The following NXPE2 variants were observed in gnomAD, a reference collection of about 807,000 sequenced individuals.
The protein encoded by NXPE2 is NXPE family member 2.
Under a neutral mutation model 34.4 loss-of-function variants are expected in NXPE2, and 34 were observed. The ratio of observed to expected loss-of-function variants is 0.99; its 90% confidence interval spans 0.75 to 1.31. The LOEUF is 1.31. NXPE2 is among the 40% of genes most tolerant of loss of function. The pLI is 0.00. For missense variants in NXPE2, 649 were observed against 672.5 expected, an observed-to-expected ratio of 0.97 and a Z score of 0.39; for synonymous variants, 235 against 231.3, an observed-to-expected ratio of 1.02 and a Z score of -0.15.
chr11:114,620,053 AC>A, the NXPE2 span, among the ~76,000 whole-genome samples: 2 of 152,056 alleles, frequency 1.3e-5, no homozygotes, highest in South Asian at 4.1e-4. Context: ...CTCGTGGGTA[AC>A]CACTGTTACC....
the NXPE2 span, among the ~76,000 whole-genome samples, chr11:114,506,128 AAAG>A: frequency 8.7e-5 from 13 of 150,186 alleles, no homozygotes; most frequent in South Asian, 4.2e-4. Context: ...AAAAAAAAAA[AAAG>A]AAGTTAAAAA....
chr11:114,700,499 G>A (rs1231665808), intron 3 of NXPE2, among the ~76,000 whole-genome samples: 1 of 152,038 alleles, frequency 6.6e-6, no homozygotes, highest in African/African-American at 2.4e-5. Context: ...TGGTGGAGGT[G>A]GAGTGCAGAA....
chr11:114,582,873 T>C, the NXPE2 span: 1 of 1,614,212 alleles, frequency 6.2e-7, no homozygotes, highest in Non-Finnish European at 8.5e-7. Context: ...GGGTGGGATC[T>C]GCTGATCTAG....
At chr11:114,472,144 G>A in the NXPE2 span, among the ~76,000 whole-genome samples, 2 of 152,200 alleles carry the variant, frequency 1.3e-5, no homozygotes. Flanking sequence ...TGTGCAAATT[G>A]CAAGGAGGCA....
At chr11:114,525,173 C>T in the NXPE2 span, among the ~76,000 whole-genome samples, 2 of 151,672 alleles carry the variant, frequency 1.3e-5, no homozygotes, top group African/African-American at 4.8e-5. Context: ...CTTGTAAGTC[C>T]CTACTAAATG....
the NXPE2 span, among the ~76,000 whole-genome samples, chr11:114,468,163 C>T: frequency 9.3e-5 from 14 of 150,786 alleles, no homozygotes; most frequent in African/African-American, 3.4e-4. Context: ...CAAAAAGTCT[C>T]ATTATATTTT....
chr11:114,507,742 A>G, the NXPE2 span, among the ~76,000 whole-genome samples: 2 of 152,090 alleles, frequency 1.3e-5, no homozygotes, highest in African/African-American at 4.8e-5. Flanking sequence ...GAAGGAACAT[A>G]CCTCAAAATA....
chr11:114,546,534 T>G, the NXPE2 span, among the ~76,000 whole-genome samples: 1 of 151,400 alleles, frequency 6.6e-6, no homozygotes, highest in Non-Finnish European at 1.5e-5. Context: ...ATTCCTGGCC[T>G]CAAACGATCC....
At chr11:114,475,489 G>A in the NXPE2 span, among the ~76,000 whole-genome samples, 2 of 151,816 alleles carry the variant, frequency 1.3e-5, no homozygotes, top group Admixed American at 6.6e-5. Flanking sequence ...TGATCACCTC[G>A]GCCTCCCAAA....
chr11:114,601,733 A>AT, the NXPE2 span, among the ~76,000 whole-genome samples: 4 of 72,068 alleles, frequency 5.6e-5, no homozygotes, highest in Non-Finnish European at 9.3e-5. Flanking sequence ...ATTATATATT[A>AT]TATATAATTA....
the NXPE2 span, among the ~76,000 whole-genome samples, chr11:114,740,183 G>A: frequency 6.6e-6 from 1 of 152,224 alleles, no homozygotes; most frequent in Non-Finnish European, 1.5e-5. Context: ...GGTATATGTG[G>A]TCTTTCTCTC....
chr11:114,791,739 A>T, the NXPE2 span, among the ~76,000 whole-genome samples: 2 of 152,210 alleles, frequency 1.3e-5, no homozygotes, highest in African/African-American at 4.8e-5. Flanking sequence ...AGAAATTCAC[A>T]CTTGGTGCCA....
the NXPE2 span, among the ~76,000 whole-genome samples, chr11:114,596,126 T>C: frequency 2.0e-5 from 3 of 152,176 alleles, no homozygotes; most frequent in African/African-American, 7.2e-5. Flanking sequence ...CAAGACCCAG[T>C]TGGCAGGATT....
the NXPE2 span, among the ~76,000 whole-genome samples, chr11:114,586,302 C>A: frequency 5.6e-4 from 86 of 152,300 alleles, no homozygotes; most frequent in African/African-American, 2.0e-3. Flanking sequence ...AGACAATGAA[C>A]CTCGGGTATT....
chr11:114,559,606 A>G, the NXPE2 span, among the ~76,000 whole-genome samples: 1 of 149,754 alleles, frequency 6.7e-6, no homozygotes, highest in South Asian at 2.1e-4. Flanking sequence ...GGCTCTCACT[A>G]TCAGTTTTTT....
chr11:114,805,329 AGACAGTAGGTGCAG>A, the NXPE2 span, among the ~76,000 whole-genome samples: 1 of 152,128 alleles, frequency 6.6e-6, no homozygotes, highest in South Asian at 2.1e-4. Context: ...GGGGAGTGCC[AGACAGTAGGTGCAG>A]GACAGTGGGT....
At chr11:114,727,593 ATACACAACTTATAT>A in the NXPE2 span, among the ~76,000 whole-genome samples, 9 of 152,168 alleles carry the variant, frequency 5.9e-5, no homozygotes, top group Non-Finnish European at 1.2e-4. Flanking sequence ...ACAACTTATA[ATACACAACTTATAT>A]TAAAAATTGG....
chr11:114,470,588 T>TGTGTGC, the NXPE2 span, among the ~76,000 whole-genome samples: 2 of 69,582 alleles, frequency 2.9e-5, no homozygotes, highest in African/African-American at 7.8e-5. Context: ...TTGACGTGTG[T>TGTGTGC]GTGTGTGTGT....
At chr11:114,583,427 G>A in the NXPE2 span, 1 of 663,244 alleles carries the variant, frequency 1.5e-6, no homozygotes, top group Non-Finnish European at 2.8e-6. Flanking sequence ...CCCTCACAAA[G>A]CCAATGCTGA....
Sources: gnomAD v4.1 joint callset for allele counts (sites outside exome capture counted in the v4.1 genomes callset) on GRCh38, gnomAD v4.1.1 for gene constraint, MANE v1.5 for transcripts, NCBI Gene and HGNC (gene_info 2026-07-23, HGNC 2026-07-21) for gene names.